CCL14: variants seen among roughly 807,000 people sequenced by gnomAD.
The protein encoded by CCL14 is C-C motif chemokine 14.
In CCL14, 8 loss-of-function variants were observed where a neutral mutation model predicts 8.2. The observed-to-expected ratio is 0.98, with a 90% CI of 0.57 to 1.76. CCL14 has a LOEUF of 1.76. Ranked by LOEUF, CCL14 falls within the 40% of genes most tolerant of loss-of-function variation. The pLI is 0.00. For missense variants in CCL14, 127 were observed against 118.3 expected (o/e 1.07, Z -0.34); for synonymous variants, 50 against 43.2 (o/e 1.16, Z -0.62).
At chr17:35,985,854 G>A in intron 1 of CCL14, 2 of 1,375,596 alleles carry the variant, frequency 1.5e-6, no homozygotes, top group Non-Finnish European at 2.0e-6. Context: ...ATCTCTAAAG[G>A]CAGCTTATTC....
intron 1 of CCL14, chr17:35,985,909 T>G: frequency 2.4e-6 from 2 of 835,576 alleles, no homozygotes; most frequent in East Asian, 5.3e-5. Context: ...GACCCCACAC[T>G]GTCGTGTTTC....
At position 35,984,319 on chromosome 17, in the gene CCL14, A is replaced by ATG. The variant is rs1414129242; in HGVS notation, c.194+17_194+18dup. On this transcript the variant is annotated intron_variant, in intron 2 of 2. Transcript: ENST00000618404. ...GCTGGCTCCCTCTCCCCCCAGTGTG[A>ATG]TGTGTGTGTACCACCTACACAATTC... 1.3e-6 allele frequency: 2 copies of ATG among 1,531,706 alleles called. No homozygotes were observed. The highest frequency in any genetic ancestry group is 1.7e-5 in the Admixed American group (1 of 59,920). 94.9% of individuals were successfully genotyped at this position (1,531,706 alleles called of 1,614,324 possible). A position where few individuals can be genotyped will look rare whatever the true frequency, so the allele number is the denominator to read the frequency against.
Position 35,983,680 on chromosome 17 carries a change from C to A in CCL14, c.*121G>T. Reference sequence around the variant, plus strand: ...GGAAGAGCATGAGTGGTCTTTAATTCAAAGCAGGGAAGCTCCAAGAGGGTG... The same window carrying A: ...GGAAGAGCATGAGTGGTCTTTAATTAAAAGCAGGGAAGCTCCAAGAGGGTG... On this transcript the variant is annotated 3_prime_UTR_variant, in exon 3 of 3. Coordinates refer to ENST00000618404, the MANE Select transcript of CCL14 (RefSeq NM_032963.4). 1.4e-6 allele frequency: 1 copy of A among 731,698 alleles called. No homozygotes were observed. Among genetic ancestry groups the A allele is most frequent in the Non-Finnish European group, 2.5e-6 (1 of 404,552 alleles). The allele number at this position is 731,698 out of a possible 1,614,324, so 45.3% of individuals were successfully genotyped here. A position where few individuals can be genotyped will look rare whatever the true frequency, so the allele number is the denominator to read the frequency against.
In CCL14 at chr17:35,983,614, C is replaced by A; in HGVS notation, c.*187G>T. On this transcript the variant is annotated 3_prime_UTR_variant, in exon 3 of 3. Coordinates refer to ENST00000618404, the MANE Select transcript of CCL14 (RefSeq NM_032963.4). ...GTGCCACACCCTGGTGTCCTCAGTG[C>A]ATGGCCAATGAGTAAATCCCGTAGA... 1 of 589,930 alleles carries A rather than the reference C, an allele frequency of 1.7e-6. No homozygotes were observed. 36.5% of individuals were successfully genotyped at this position (589,930 alleles called of 1,614,324 possible).
intron 1 of CCL14, chr17:35,985,803 G>A (rs1465033783): frequency 5.2e-6 from 8 of 1,549,586 alleles, no homozygotes; most frequent in Admixed American, 2.0e-5. Flanking sequence ...TTTCTGAAAA[G>A]GAGAGTAGGT....
chr17:35,985,819 G>T, intron 1 of CCL14: 1 of 1,538,532 alleles, frequency 6.5e-7, no homozygotes, highest in Non-Finnish European at 8.8e-7. Context: ...TAGGTAAAAT[G>T]GAAGAGTGAT....
Position 35,983,890 on chromosome 17 carries a change from T to TTTC in CCL14, c.195-3_195-2insGAA, listed in dbSNP as rs1156469386. On this transcript the variant is annotated splice_polypyrimidine_tract_variant and splice_region_variant and intron_variant, in intron 2 of 2. Transcript: ENST00000618404. ...GAATGGCCCCTTTTGGTGATGAAGCTGTGGAGCAAGAGGGAGAAGGATCAC... is the reference window on the plus strand; with the variant it reads ...GAATGGCCCCTTTTGGTGATGAAGCTTTCGTGGAGCAAGAGGGAGAAGGATCAC... The TTTC allele has an allele frequency of 1.2e-6, 2 of 1,612,370 alleles. No homozygotes were observed. Among genetic ancestry groups the TTTC allele is most frequent in the African/African-American group, 2.7e-5 (2 of 74,860 alleles).
Position 35,986,610 on chromosome 17 carries a change from T to A in CCL14, c.40A>T (p.Ile14Phe). The part of the protein sequence containing the change: ...SVAAIPFFLL[I>F]TIALGTKTES... ...GTCTTGGTCCCTAGGGCGATGGTGA[T>A]GAGGAGGAAGAAGGGAATGGCAGCC... Residue 14 changes from isoleucine to phenylalanine, a missense_variant, in exon 1 of 3, where the codon ATC (isoleucine) becomes TTC (phenylalanine). By Grantham distance (21) the Ile-to-Phe change is conservative. Coordinates refer to ENST00000618404, the MANE Select transcript of CCL14 (RefSeq NM_032963.4). 1 of 1,613,842 alleles carries A rather than the reference T, an allele frequency of 6.2e-7. No homozygotes were observed. Among genetic ancestry groups the A allele is most frequent in the Non-Finnish European group, 8.5e-7 (1 of 1,179,946 alleles).
At chr17:35,984,515 T>A (rs1440596866) in intron 1 of CCL14, 63 bp from the exon 2 acceptor site, 2 of 1,030,186 alleles carry the variant, frequency 1.9e-6, no homozygotes, top group Admixed American at 3.5e-5. Context: ...CATTGGCTGC[T>A]CCTGCAAGCT....
At chr17:35,984,843 T>C (rs539097738) in intron 1 of CCL14, 1 of 389,952 alleles carries the variant, frequency 2.6e-6, no homozygotes. Flanking sequence ...GTGCTCCAAA[T>C]AGGAGGAATA....
intron 1 of CCL14, chr17:35,984,777 GAGA>G (rs1473124731): frequency 2.0e-6 from 1 of 491,438 alleles, no homozygotes; most frequent in African/African-American, 1.9e-5. Context: ...CCGACTGGCA[GAGA>G]AGGCTAGGGA....
In CCL14 at chr17:35,984,391, C is replaced by T; in HGVS notation, c.141G>A (p.Gln47=). 3.1e-6 allele frequency: 5 copies of T among 1,614,012 alleles called. No individual in the cohort carries two copies. The highest frequency in any genetic ancestry group is 4.2e-6 in the Non-Finnish European group (5 of 1,180,022). ...FTYTTYKIPR[Q]RIMDYYETNS... The stretch of plus-strand genomic sequence containing the variant: ...TGGTCTCATAGTAATCCATAATCCG[C>T]TGACGCGGGATCTTGTAGGTAGTGT... Residue 47 remains glutamine, a synonymous_variant, in exon 2 of 3, where the codon CAG becomes CAA. Coordinates refer to ENST00000618404, the MANE Select transcript of CCL14 (RefSeq NM_032963.4).
In CCL14 at chr17:35,983,436, C is replaced by T. The variant is rs987113322; in HGVS notation, c.*365G>A. 1.7e-5 allele frequency: 4 copies of T among 231,118 alleles called. No homozygotes were observed. Among genetic ancestry groups the T allele is most frequent in the Admixed American group, 1.0e-4 (2 of 19,746 alleles). The allele number at this position is 231,118 out of a possible 1,614,324, so 14.3% of individuals were successfully genotyped here. Reference sequence around the variant, plus strand: ...TGGAGTATAGAAAGCATTAAGAAAACGGGGTCTGCTACTGTTGTTGCTGAG... The same window carrying T: ...TGGAGTATAGAAAGCATTAAGAAAATGGGGTCTGCTACTGTTGTTGCTGAG... On this transcript the variant is annotated 3_prime_UTR_variant, in exon 3 of 3. Transcript: ENST00000618404.
At chr17:35,986,297 C>T (rs561321379) in intron 1 of CCL14, 14 of 462,380 alleles carry the variant, frequency 3.0e-5, no homozygotes, top group Non-Finnish European at 4.2e-5. Flanking sequence ...AGTCAAGTCT[C>T]ATTGGTCAAG....
intron 1 of CCL14, chr17:35,986,066 C>A: frequency 2.0e-6 from 1 of 498,534 alleles, no homozygotes; most frequent in Non-Finnish European, 3.5e-6. Context: ...AAATATACCC[C>A]AAATGGGGTG....
intron 1 of CCL14, chr17:35,985,156 C>T (rs2089743671): frequency 6.5e-6 from 1 of 154,288 alleles, no homozygotes; most frequent in South Asian, 2.1e-4. Flanking sequence ...GCTCTGGGGG[C>T]CTCAGGGACT....
rs1452849815 is a variant in CCL14 at position 35,986,558 on chromosome 17, G to A, written c.79+13C>T. Reference sequence around the variant, plus strand: ...GGCTCTAGGTTGGAAGGAAGACAAGGCATTGCACTCACGTGAGGAGGATTC... The same window carrying A: ...GGCTCTAGGTTGGAAGGAAGACAAGACATTGCACTCACGTGAGGAGGATTC... On this transcript the variant is annotated intron_variant, in intron 1 of 2. Coordinates refer to ENST00000618404, the MANE Select transcript of CCL14 (RefSeq NM_032963.4). 1 of 1,605,670 alleles carries A rather than the reference G, an allele frequency of 6.2e-7. No individual in the cohort carries two copies.
intron 1 of CCL14, chr17:35,985,798 GAA>G: frequency 6.5e-7 from 1 of 1,550,298 alleles, no homozygotes; most frequent in Non-Finnish European, 8.7e-7. Context: ...CCCAGTTTCT[GAA>G]AAGGAGAGTA....
At chr17:35,983,948 C>A in intron 2 of CCL14, 60 bp from the exon 3 acceptor site, 1 of 1,210,326 alleles carries the variant, frequency 8.3e-7, no homozygotes, top group Non-Finnish European at 1.2e-6. Context: ...GAAGAGACAG[C>A]CCATCTTCCC....
Sources: allele counts gnomAD v4.1 joint callset, GRCh38; gene constraint gnomAD v4.1.1; transcripts MANE v1.5; gene names NCBI Gene and HGNC (gene_info 2026-07-23, HGNC 2026-07-21).